Variants in FHOD3 observed in about 807,000 individuals in gnomAD.
FHOD3 encodes the protein FH1/FH2 domain-containing protein 3.
Under a neutral mutation model 173.0 loss-of-function variants are expected in FHOD3, and 90 were observed. The observed-to-expected ratio is 0.52, with a 90% CI of 0.44 to 0.62. The LOEUF (loss-of-function observed/expected upper bound fraction) is 0.62, where lower values mean the gene tolerates loss of function less well. Among genes scored for constraint, FHOD3 ranks in the 20% least tolerant of loss-of-function variants. FHOD3 has a pLI of 0.00. For synonymous variants in FHOD3, 828 were observed against 823.0 expected (o/e 1.01, Z -0.10); for missense variants, 1,945 against 2,034.7 (o/e 0.96, Z 0.85).
At chr18:36,371,873 G>A (rs1391228201) in intron 2 of FHOD3, among the ~76,000 whole-genome samples, 2 of 152,152 alleles carry the variant, frequency 1.3e-5, no homozygotes, top group Admixed American at 1.3e-4. Context: ...CTGCCATGCT[G>A]TTGGCTGGCT....
At chr18:36,435,887 T>C (rs1232755979) in intron 3 of FHOD3, among the ~76,000 whole-genome samples, 2 of 152,180 alleles carry the variant, frequency 1.3e-5, no homozygotes, top group African/African-American at 4.8e-5. Flanking sequence ...GTTTAAGTTT[T>C]GTACAGGATA....
At chr18:36,726,205 C>A (rs1036450596) in intron 19 of FHOD3, among the ~76,000 whole-genome samples, 3 of 151,496 alleles carry the variant, frequency 2.0e-5, no homozygotes, top group Admixed American at 1.3e-4. Context: ...GAGATAACTA[C>A]AGCACACTTA....
intron 3 of FHOD3, among the ~76,000 whole-genome samples, chr18:36,403,449 A>G (rs1183396365): frequency 6.6e-6 from 1 of 152,198 alleles, no homozygotes; most frequent in African/African-American, 2.4e-5. Context: ...TGTGCCACCT[A>G]CTAAGATTGG....
At chr18:36,561,283 A>G (rs902687319) in intron 5 of FHOD3, among the ~76,000 whole-genome samples, 4 of 152,218 alleles carry the variant, frequency 2.6e-5, no homozygotes, top group African/African-American at 9.6e-5. Context: ...CTGCTGGGGA[A>G]TAGCTATTAA....
intron 3 of FHOD3, among the ~76,000 whole-genome samples, chr18:36,434,134 A>G (rs2050695205): frequency 6.6e-6 from 1 of 151,978 alleles, no homozygotes; most frequent in South Asian, 2.1e-4. Flanking sequence ...CTTTTATGTT[A>G]TATTATGTTT....
intron 10 of FHOD3, among the ~76,000 whole-genome samples, chr18:36,636,635 A>G (rs956504956): frequency 6.6e-6 from 1 of 151,776 alleles, no homozygotes; most frequent in Non-Finnish European, 1.5e-5. Flanking sequence ...ATGGCCCCAG[A>G]TAAATAATTT....
At chr18:36,767,474 C>T (rs537852848) in intron 27 of FHOD3, among the ~76,000 whole-genome samples, 2 of 152,220 alleles carry the variant, frequency 1.3e-5, no homozygotes, top group South Asian at 4.1e-4. Context: ...TGCACACCAC[C>T]ATGCTTGACT....
chr18:36,645,208 G>A lies in FHOD3; in HGVS notation c.1197-4108G>A, dbSNP rs184902624. Among the ~76,000 whole-genome samples the A allele has an allele frequency of 4.7e-3, 708 of 152,204 alleles. 4 individuals are homozygous for A. Among genetic ancestry groups the A allele is most frequent in the African/African-American group, 0.015 (636 of 41,550 alleles). The stretch of plus-strand genomic sequence containing the variant: ...GGCTGAGGTGGGTGGATCACTTGAG[G>A]TTAGGAGTTCAAGACCAGCCTGGCA... On this transcript the variant is annotated intron_variant, in intron 10 of 28. Coordinates refer to ENST00000590592, the MANE Select transcript of FHOD3 (RefSeq NM_001281740.3).
intron 6 of FHOD3, among the ~76,000 whole-genome samples, chr18:36,591,786 T>C (rs560428814): frequency 2.0e-4 from 31 of 151,742 alleles, no homozygotes; most frequent in Non-Finnish European, 3.2e-4. Flanking sequence ...TAACCAGATG[T>C]GGTGGCATGT....
chr18:36,512,354 C>A, intron 4 of FHOD3, 84 bp from the exon 5 acceptor site: 1 of 1,010,368 alleles, frequency 9.9e-7, no homozygotes, highest in Non-Finnish European at 1.5e-6. Context: ...GCTTTAAAGG[C>A]TTGTACATAG....
chr18:36,448,336 G>C (rs1363523655), intron 3 of FHOD3, among the ~76,000 whole-genome samples: 1 of 152,162 alleles, frequency 6.6e-6, no homozygotes, highest in Non-Finnish European at 1.5e-5. Flanking sequence ...CAAAACAATG[G>C]ATGTGTAACT....
chr18:36,404,093 G>A (rs974951784), intron 3 of FHOD3, among the ~76,000 whole-genome samples: 2 of 152,142 alleles, frequency 1.3e-5, no homozygotes, highest in Non-Finnish European at 1.5e-5. Flanking sequence ...CTTCCCTCCC[G>A]CAATCTGCTC....
intron 1 of FHOD3, among the ~76,000 whole-genome samples, chr18:36,329,354 A>G (rs1163581097): frequency 6.6e-6 from 1 of 152,192 alleles, no homozygotes; most frequent in African/African-American, 2.4e-5. Context: ...AGCAAAGTGA[A>G]GTACTGTTGC....
intron 5 of FHOD3, among the ~76,000 whole-genome samples, chr18:36,532,008 C>A (rs989271360): frequency 6.6e-6 from 1 of 152,192 alleles, no homozygotes; most frequent in African/African-American, 2.4e-5. Context: ...CTCTGCTCTC[C>A]TGCCTGCCCT....
chr18:36,415,160 G>T (rs1237104985), intron 3 of FHOD3, among the ~76,000 whole-genome samples: 1 of 152,176 alleles, frequency 6.6e-6, no homozygotes. Flanking sequence ...AGTGCAGGCT[G>T]AGGTGGGGCA....
chr18:36,446,724 C>T (rs1296601512), intron 3 of FHOD3, among the ~76,000 whole-genome samples: 1 of 152,180 alleles, frequency 6.6e-6, no homozygotes, highest in African/African-American at 2.4e-5. Context: ...TGTTATCCCT[C>T]ACCCCCACCT....
chr18:36,611,468 C>G (rs2032668320), intron 8 of FHOD3, among the ~76,000 whole-genome samples: 1 of 152,144 alleles, frequency 6.6e-6, no homozygotes, highest in Admixed American at 6.5e-5. Flanking sequence ...AATTCATTTC[C>G]TTGCTTCTGT....
chr18:36,743,487 A>C (rs559646608), intron 22 of FHOD3, among the ~76,000 whole-genome samples: 59 of 152,242 alleles, frequency 3.9e-4, no homozygotes, highest in African/African-American at 1.3e-3. Context: ...CTTATCACTC[A>C]AATACTCATG....
chr18:36,348,332 C>G (rs1194181137), intron 1 of FHOD3, among the ~76,000 whole-genome samples: 1 of 152,152 alleles, frequency 6.6e-6, no homozygotes, highest in Admixed American at 6.5e-5. Flanking sequence ...TTTTGGGCTT[C>G]TCTTAGAGCT....
Sources: gnomAD v4.1 joint callset for allele counts (sites outside exome capture counted in the v4.1 genomes callset) on GRCh38, gnomAD v4.1.1 for gene constraint, MANE v1.5 for transcripts, NCBI Gene and HGNC (gene_info 2026-07-23, HGNC 2026-07-21) for gene names.